TWIST2: variants seen among roughly 807,000 people sequenced by gnomAD.
The protein encoded by TWIST2 is twist-related protein 2.
Under a neutral mutation model 11.6 loss-of-function variants are expected in TWIST2, and 1 was observed. The observed-to-expected ratio is 0.09, with a 90% CI of 0.03 to 0.41. The LOEUF (loss-of-function observed/expected upper bound fraction) is 0.41, where lower values mean the gene tolerates loss of function less well. Ranked by LOEUF, TWIST2 falls within the 10% of genes least tolerant of loss-of-function variation. TWIST2 has a pLI of 0.98. For missense variants in TWIST2, 168 were observed against 226.4 expected, an observed-to-expected ratio of 0.74 and a Z score of 1.66; for synonymous variants, 87 against 96.6, an observed-to-expected ratio of 0.90 and a Z score of 0.58.
intron 1 of TWIST2, among the ~76,000 whole-genome samples, chr2:238,902,728 A>G (rs1205461199): frequency 2.4e-5 from 2 of 82,158 alleles, no homozygotes; most frequent in South Asian, 5.1e-4. Flanking sequence ...TGTGTGTGTG[A>G]TGTAGTGTGT....
At position 238,871,736 on chromosome 2, in the gene TWIST2, C is replaced by T. The variant is rs575392604; in HGVS notation, c.*35+23003C>T. Among the ~76,000 whole-genome samples, 49 of 148,388 alleles carry T rather than the reference C, an allele frequency of 3.3e-4. 1 individual carries two copies. The highest frequency in any genetic ancestry group is 2.9e-3 in the South Asian group (13 of 4,512). ...CTGCCTTTAAAAAGGAAGGTTGTCT[C>T]GATAGGGACCATAGCATGGATGAAC... On this transcript the variant is annotated intron_variant, in intron 1 of 1. Coordinates refer to ENST00000612363, the MANE Select transcript of TWIST2 (RefSeq NM_001271893.4).
In TWIST2 at chr2:238,870,165, C is replaced by A. The variant is rs1457914926; in HGVS notation, c.*35+21432C>A. 3.8e-4 allele frequency among the ~76,000 whole-genome samples: 47 copies of A among 125,082 alleles called. No homozygotes were observed. The East Asian group carries it at 6.0e-3, about 16-fold the overall frequency. The allele number at this position is 125,082 out of a possible 152,430, so 82.1% of individuals were successfully genotyped here. A position where few individuals can be genotyped will look rare whatever the true frequency, so the allele number is the denominator to read the frequency against. On this transcript the variant is annotated intron_variant, in intron 1 of 1. Coordinates refer to ENST00000612363, the MANE Select transcript of TWIST2 (RefSeq NM_001271893.4). ...CCCCATACACACCACACCCCACACA[C>A]ACCACACACCCCACACACACATCAC...
intron 1 of TWIST2, among the ~76,000 whole-genome samples, chr2:238,909,616 A>G (rs1693418431): frequency 6.6e-6 from 1 of 152,070 alleles, no homozygotes; most frequent in Admixed American, 6.5e-5. Context: ...GGGGGAGGGA[A>G]AGGGCTTGGC....
At position 238,886,071 on chromosome 2, in the gene TWIST2, G is replaced by A. The variant is rs112663138; in HGVS notation, c.*36-23771G>A. 2.6e-3 allele frequency among the ~76,000 whole-genome samples: 388 copies of A among 147,776 alleles called. 1 individual carries two copies. The highest frequency in any genetic ancestry group is 8.9e-3 in the African/African-American group (354 of 39,806). ...AGATTGCGCCATTGCACTCCAGCCTGGGTGACAGAGTGAGACTCCATCTCA... is the reference window on the plus strand; with the variant it reads ...AGATTGCGCCATTGCACTCCAGCCTAGGTGACAGAGTGAGACTCCATCTCA... On this transcript the variant is annotated intron_variant, in intron 1 of 1. Coordinates refer to ENST00000612363, the MANE Select transcript of TWIST2 (RefSeq NM_001271893.4).
chr2:238,870,145 TACACACCACACCCC>T, intron 1 of TWIST2, among the ~76,000 whole-genome samples: 1 of 14,972 alleles, frequency 6.7e-5, no homozygotes, highest in Middle Eastern at 0.045. Context: ...CCACACCCCA[TACACACCACACCCC>T]ACACACACCA....
chr2:238,904,388 GATGTAAGGTGTGTGTCTA>G (rs1315732132), intron 1 of TWIST2, among the ~76,000 whole-genome samples: 14 of 148,896 alleles, frequency 9.4e-5, no homozygotes, highest in African/African-American at 1.8e-4. Context: ...GTGTGTGTGT[GATGTAAGGTGTGTGTCTA>G]ATGTGAGGTG....
chr2:238,896,925 C>T (rs1442731691), intron 1 of TWIST2, among the ~76,000 whole-genome samples: 1 of 152,068 alleles, frequency 6.6e-6, no homozygotes, highest in Non-Finnish European at 1.5e-5. Flanking sequence ...TCACTGCTTC[C>T]ATTTGGAGAA....
At chr2:238,899,735 C>T (rs1048898753) in intron 1 of TWIST2, among the ~76,000 whole-genome samples, 2 of 152,160 alleles carry the variant, frequency 1.3e-5, no homozygotes, top group African/African-American at 2.4e-5. Context: ...TTTAAATACC[C>T]GACTTGACTT....
At chr2:238,861,427 C>T (rs1692433908) in intron 1 of TWIST2, among the ~76,000 whole-genome samples, 1 of 152,138 alleles carries the variant, frequency 6.6e-6, no homozygotes, top group South Asian at 2.1e-4. Context: ...GAGCCAGCGC[C>T]CAGTGAGTGT....
rs916385850 is a variant in TWIST2 at position 238,864,470 on chromosome 2, T to C, written c.*35+15737T>C. Among the ~76,000 whole-genome samples the C allele has an allele frequency of 6.6e-6, 1 of 152,128 alleles. No homozygotes were observed. Among genetic ancestry groups the C allele is most frequent in the Non-Finnish European group, 1.5e-5 (1 of 68,008 alleles). ...GTGCAAATAAACAGAGCAGGAAGGTTTGAATGGGCCAGGCCTGGAGCAGAG... is the reference window on the plus strand; with the variant it reads ...GTGCAAATAAACAGAGCAGGAAGGTCTGAATGGGCCAGGCCTGGAGCAGAG... On this transcript the variant is annotated intron_variant, in intron 1 of 1. Coordinates refer to ENST00000612363, the MANE Select transcript of TWIST2 (RefSeq NM_001271893.4). This position sits in a 1 kb window ranked among gnomAD's most constrained non-coding sequence, Gnocchi z 4.7.
chr2:238,856,085 AG>A (rs1275924280), intron 1 of TWIST2, among the ~76,000 whole-genome samples: 1 of 152,032 alleles, frequency 6.6e-6, no homozygotes, highest in South Asian at 2.1e-4. Flanking sequence ...GCTGTGGCAG[AG>A]GGGGTGCATC....
chr2:238,909,344 G>C (rs1311519122), intron 1 of TWIST2, among the ~76,000 whole-genome samples: 2 of 152,036 alleles, frequency 1.3e-5, no homozygotes, highest in Admixed American at 6.5e-5. Context: ...GCAAGAATCC[G>C]CCGTTGACAG....
intron 1 of TWIST2, among the ~76,000 whole-genome samples, chr2:238,879,491 G>A (rs1202309412): frequency 1.3e-5 from 2 of 152,160 alleles, no homozygotes; most frequent in Non-Finnish European, 2.9e-5. Context: ...TGGCCACTAG[G>A]CCACACTCAC....
intron 1 of TWIST2, among the ~76,000 whole-genome samples, chr2:238,891,828 A>G (rs1173133443): frequency 2.6e-5 from 4 of 152,076 alleles, no homozygotes; most frequent in Admixed American, 2.6e-4. Context: ...GTTTGCTCCT[A>G]GAGACCCAGG....
At chr2:238,877,338 T>C (rs549597588) in intron 1 of TWIST2, among the ~76,000 whole-genome samples, 7 of 152,174 alleles carry the variant, frequency 4.6e-5, no homozygotes, top group African/African-American at 1.7e-4. Flanking sequence ...GAAATAGACA[T>C]AGGGCTATTG....
At chr2:238,859,492 C>T (rs1692391661) in intron 1 of TWIST2, among the ~76,000 whole-genome samples, 1 of 151,274 alleles carries the variant, frequency 6.6e-6, no homozygotes, top group Admixed American at 6.6e-5. Context: ...GCCTTCACAA[C>T]AAGGTGTATG....
chr2:238,888,592 G>A (rs903647911), intron 1 of TWIST2, among the ~76,000 whole-genome samples: 2 of 152,122 alleles, frequency 1.3e-5, no homozygotes, highest in African/African-American at 4.8e-5. Context: ...AAGTTTAAGT[G>A]GTAATTACAT....
intron 1 of TWIST2, among the ~76,000 whole-genome samples, chr2:238,849,614 G>C (rs1363323558): frequency 6.6e-6 from 1 of 152,182 alleles, no homozygotes; most frequent in Non-Finnish European, 1.5e-5. Context: ...GCTGGGAAAC[G>C]GGTCTGGGGG....
intron 1 of TWIST2, among the ~76,000 whole-genome samples, chr2:238,854,042 G>C (rs946615552): frequency 7.9e-5 from 12 of 152,176 alleles, no homozygotes; most frequent in Non-Finnish European, 1.5e-5. Context: ...CCCAGCTTCT[G>C]TCGAAGCCTC....
Sources: gnomAD v4.1 joint callset for allele counts (sites outside exome capture counted in the v4.1 genomes callset) on GRCh38, gnomAD v4.1.1 for gene constraint, Gnocchi (gnomAD v3.1) non-coding constraint, MANE v1.5 for transcripts, NCBI Gene and HGNC (gene_info 2026-07-23, HGNC 2026-07-21) for gene names.